INPP5D: variants seen among roughly 807,000 people sequenced by gnomAD.
INPP5D encodes phosphatidylinositol 3,4,5-trisphosphate 5-phosphatase 1.
INPP5D carries 33 observed loss-of-function variants against 122.9 expected under a neutral mutation model. The observed-to-expected ratio is 0.27, with a 90% confidence interval of 0.20 to 0.36. The LOEUF (loss-of-function observed/expected upper bound fraction) is 0.36. INPP5D is among the 10% of genes least tolerant of loss of function. The pLI is 1.00. For synonymous variants in INPP5D, 584 were observed against 576.2 expected (o/e 1.01, Z -0.19); for missense variants, 1,053 against 1,412.7 (o/e 0.75, Z 4.08).
At chr2:233,131,221 A>G in intron 5 of INPP5D, 1 of 618,486 alleles carries the variant, frequency 1.6e-6, no homozygotes, top group Non-Finnish European at 2.0e-6. Flanking sequence ...AATTTAATTG[A>G]TGAAAGTTAA....
chr2:233,130,671 G>T, intron 5 of INPP5D, 23 bp downstream of exon 5: 1 of 1,613,140 alleles, frequency 6.2e-7, no homozygotes, highest in Non-Finnish European at 8.5e-7. Context: ...CCACGGGGGC[G>T]GGCAGGTGGG....
chr2:233,170,962 T>C lies in INPP5D; in HGVS notation c.1901-102T>C. ...CCTCTTGGAGCCTTTCCAGCCATCC[T>C]TTCGTCCCCTTTCCCCTGATTTCCT... On this transcript the variant is annotated intron_variant, in intron 16 of 26. Coordinates refer to ENST00000445964, the MANE Select transcript of INPP5D (RefSeq NM_001017915.3). The surrounding 1 kb of genome is among the most constrained non-coding windows in gnomAD (Gnocchi z 4.5). 6.7e-7 allele frequency: 1 copy of C among 1,490,456 alleles called. No homozygotes were observed. Among genetic ancestry groups the C allele is most frequent in the East Asian group, 2.5e-5 (1 of 40,638 alleles). 92.3% of individuals were successfully genotyped at this position (1,490,456 alleles called of 1,614,324 possible).
intron 2 of INPP5D, among the ~76,000 whole-genome samples, chr2:233,084,867 T>A (rs1340855683): frequency 2.6e-5 from 4 of 152,228 alleles, no homozygotes; most frequent in African/African-American, 9.6e-5. Context: ...TCCGTGCTGG[T>A]GGAGGGGTTC....
At chr2:233,190,883 A>G (rs1015172345) in intron 22 of INPP5D, among the ~76,000 whole-genome samples, 5 of 152,214 alleles carry the variant, frequency 3.3e-5, no homozygotes, top group South Asian at 2.1e-4. Flanking sequence ...CAAGCAAGGA[A>G]GTAACAGGAT....
At chr2:233,175,488 G>A (rs962026021) in intron 17 of INPP5D, among the ~76,000 whole-genome samples, 2 of 152,100 alleles carry the variant, frequency 1.3e-5, no homozygotes, top group African/African-American at 4.8e-5. Flanking sequence ...TATTGACAAG[G>A]AAGGCTTATG....
Position 233,188,371 on chromosome 2 carries a change from C to A in INPP5D, c.2359-1479C>A, listed in dbSNP as rs1694971097. Among the ~76,000 whole-genome samples, 1 of 152,046 alleles carries A rather than the reference C, an allele frequency of 6.6e-6. No individual in the cohort carries two copies. The highest frequency in any genetic ancestry group is 1.5e-5 in the Non-Finnish European group (1 of 67,996). On this transcript the variant is annotated intron_variant, in intron 21 of 26. Transcript: ENST00000445964. This position sits in a 1 kb window ranked among gnomAD's most constrained non-coding sequence, Gnocchi z 4.7. ...GTGTCGCACAGAGACATTTGTTGTT[C>A]AGATGTCTGTCACCCCATTTCCACT...
intron 2 of INPP5D, among the ~76,000 whole-genome samples, chr2:233,112,436 T>TG (rs1206947543): frequency 1.3e-5 from 2 of 152,222 alleles, no homozygotes; most frequent in Non-Finnish European, 2.9e-5. Context: ...TCTTGCTTTC[T>TG]GGGGCAACAG....
chr2:233,204,825 C>T, intron 26 of INPP5D, 108 bp downstream of exon 26: 1 of 1,399,384 alleles, frequency 7.1e-7, no homozygotes, highest in African/African-American at 1.5e-5. Flanking sequence ...TGCACGCATG[C>T]ATATGTGCGT....
At chr2:233,136,880 G>A (rs942922534) in intron 5 of INPP5D, among the ~76,000 whole-genome samples, 7 of 152,216 alleles carry the variant, frequency 4.6e-5, no homozygotes, top group African/African-American at 1.7e-4. Context: ...TAAAGATTTG[G>A]AAGTCACTAA....
chr2:233,198,404 C>A (rs898909154), intron 25 of INPP5D, 28 bp downstream of exon 25: 11 of 1,588,584 alleles, frequency 6.9e-6, no homozygotes, highest in Admixed American at 3.4e-5. Context: ...TAAGACGGCT[C>A]CCTCCCTCCT....
chr2:233,137,897 T>TATATACACAC (rs1453339834), intron 5 of INPP5D, among the ~76,000 whole-genome samples: 1 of 44,528 alleles, frequency 2.2e-5, no homozygotes, highest in African/African-American at 7.8e-5. Flanking sequence ...TATATATATA[T>TATATACACAC]ACACACACAC....
At chr2:233,117,515 A>G (rs373378912) in intron 2 of INPP5D, among the ~76,000 whole-genome samples, 1 of 152,110 alleles carries the variant, frequency 6.6e-6, no homozygotes, top group South Asian at 2.1e-4. Flanking sequence ...TAAGGTCTCC[A>G]TGGTAGCTCC....
intron 17 of INPP5D, among the ~76,000 whole-genome samples, chr2:233,172,333 C>A (rs1694510365): frequency 6.6e-6 from 1 of 152,202 alleles, no homozygotes; most frequent in South Asian, 2.1e-4. Flanking sequence ...GGGGCCACTG[C>A]AAGCTCTGCC....
intron 1 of INPP5D, among the ~76,000 whole-genome samples, chr2:233,070,733 G>C (rs1311411188): frequency 6.6e-6 from 1 of 151,962 alleles, no homozygotes; most frequent in Non-Finnish European, 1.5e-5. Flanking sequence ...GAGCCACCGC[G>C]CCCGGCCAGG....
chr2:233,113,321 G>T (rs543477520), intron 2 of INPP5D, among the ~76,000 whole-genome samples: 2 of 152,080 alleles, frequency 1.3e-5, no homozygotes, highest in African/African-American at 4.8e-5. Flanking sequence ...CCTGGCCCCA[G>T]GTCCAAGGTC....
At chr2:233,125,105 C>A (rs1204199606) in intron 3 of INPP5D, among the ~76,000 whole-genome samples, 2 of 152,256 alleles carry the variant, frequency 1.3e-5, no homozygotes, top group African/African-American at 4.8e-5. Context: ...ACAGAATGAA[C>A]CTTCTCCTAA....
At chr2:233,167,889 C>T (rs1694387059) in intron 13 of INPP5D, among the ~76,000 whole-genome samples, 1 of 151,408 alleles carries the variant, frequency 6.6e-6, no homozygotes, top group Non-Finnish European at 1.5e-5. Flanking sequence ...CCTGTAGTCC[C>T]AGCTACTCCT....
In INPP5D at chr2:233,164,196, A is replaced by G; in HGVS notation, c.1438-111A>G. 1 of 1,449,304 alleles carries G rather than the reference A, an allele frequency of 6.9e-7. No homozygotes were observed. The highest frequency in any genetic ancestry group is 1.4e-5 in the African/African-American group (1 of 70,304). 89.8% of individuals were successfully genotyped at this position (1,449,304 alleles called of 1,614,324 possible). ...GAGTCCCCCGAAGGGTTGGGATTAC[A>G]GACAGGATACCCCATACCCAGGGGC... On this transcript the variant is annotated intron_variant, in intron 12 of 26. Transcript: ENST00000445964. This position sits in a 1 kb window ranked among gnomAD's most constrained non-coding sequence, Gnocchi z 4.3.
At chr2:233,118,068 C>T (rs1011468519) in intron 2 of INPP5D, among the ~76,000 whole-genome samples, 9 of 152,204 alleles carry the variant, frequency 5.9e-5, no homozygotes, top group African/African-American at 2.2e-4. Flanking sequence ...GGATATGGAC[C>T]TGGCCTGCTG....
Sources: gnomAD v4.1 joint callset for allele counts (sites outside exome capture counted in the v4.1 genomes callset) on GRCh38, gnomAD v4.1.1 for gene constraint, Gnocchi (gnomAD v3.1) non-coding constraint, MANE v1.5 for transcripts, NCBI Gene and HGNC (gene_info 2026-07-23, HGNC 2026-07-21) for gene names.